Variants in ETNK2 observed in about 807,000 individuals in gnomAD.
ETNK2 encodes the protein ethanolamine kinase 2.
In ETNK2, 33 loss-of-function variants were observed where a neutral mutation model predicts 46.2. The observed-to-expected ratio is 0.71, with a 90% CI of 0.54 to 0.96. ETNK2 has a LOEUF of 0.96. Ranked by LOEUF, ETNK2 falls within the 40% of genes least tolerant of loss-of-function variation. ETNK2 has a pLI of 0.00. For missense variants in ETNK2, 445 were observed against 509.7 expected (o/e 0.87, Z 1.22); for synonymous variants, 194 against 209.0 (o/e 0.93, Z 0.62).
chr1:204,144,967 C>T (rs1330865469), intron 3 of ETNK2, among the ~76,000 whole-genome samples: 4 of 152,232 alleles, frequency 2.6e-5, no homozygotes, highest in Non-Finnish European at 5.9e-5. Flanking sequence ...CTCTTAAGCT[C>T]TTTGAGGGCA....
Position 204,132,128 on chromosome 1 carries a change from G to C in ETNK2, c.*56C>G. The C allele has an allele frequency of 7.3e-7, 1 of 1,370,582 alleles. No individual in the cohort carries two copies. 84.9% of individuals were successfully genotyped at this position (1,370,582 alleles called of 1,614,324 possible). ...TGTGGATCCCAGAGTGCAGAATTGA[G>C]CTCTGGAGAACAGGTCTGGCCAGAC... On this transcript the variant is annotated 3_prime_UTR_variant, in exon 8 of 8. Coordinates refer to ENST00000367202, the MANE Select transcript of ETNK2 (RefSeq NM_018208.4).
intron 7 of ETNK2, among the ~76,000 whole-genome samples, chr1:204,134,231 C>G (rs1657192401): frequency 6.6e-6 from 1 of 152,226 alleles, no homozygotes; most frequent in African/African-American, 2.4e-5. Context: ...TGGATAGGTG[C>G]GCTGGAAGCA....
intron 3 of ETNK2, chr1:204,141,774 C>A: frequency 6.1e-6 from 2 of 325,782 alleles, no homozygotes; most frequent in South Asian, 8.4e-5. Context: ...GAAGGAGACA[C>A]AGGGAAAGGA....
chr1:204,147,268 G>A (rs956052396), intron 2 of ETNK2, among the ~76,000 whole-genome samples: 8 of 152,210 alleles, frequency 5.3e-5, no homozygotes, highest in African/African-American at 1.9e-4. Context: ...AGGTGGGGAG[G>A]GAAACAGGCT....
intron 3 of ETNK2, among the ~76,000 whole-genome samples, chr1:204,143,419 C>T (rs1314616918): frequency 1.3e-5 from 2 of 151,694 alleles, no homozygotes; most frequent in Non-Finnish European, 2.9e-5. Flanking sequence ...CAATCCCAGC[C>T]TTCTATCTCC....
chr1:204,140,282 T>TCATC (rs60488986), intron 4 of ETNK2, among the ~76,000 whole-genome samples, 164 bp from the exon 5 acceptor site: 1,886 of 146,186 alleles, frequency 0.013, 21 homozygotes, highest in Middle Eastern at 0.032. Flanking sequence ...CTACTTCCAT[T>TCATC]CATCCATCCA....
At position 204,147,499 on chromosome 1, in the gene ETNK2, C is replaced by T. The variant is rs568890284; in HGVS notation, c.519-735G>A. Reference sequence around the variant, plus strand: ...GGGCCTTGATAAAGACCCCATCGCCCGAGGCCCTGTGTCCCAGCTGGGCCC... The same window carrying T: ...GGGCCTTGATAAAGACCCCATCGCCTGAGGCCCTGTGTCCCAGCTGGGCCC... On this transcript the variant is annotated intron_variant, in intron 2 of 7. Transcript: ENST00000367202. The T allele has an allele frequency of 1.5e-5, 8 of 533,248 alleles. No homozygotes were observed. In the East Asian group the frequency reaches 1.6e-4, roughly 11 times the overall value. The allele number at this position is 533,248 out of a possible 1,614,324, so 33.0% of individuals were successfully genotyped here. A position where few individuals can be genotyped will look rare whatever the true frequency, so the allele number is the denominator to read the frequency against.
chr1:204,134,846 G>A (rs544911483), intron 6 of ETNK2, among the ~76,000 whole-genome samples: 1 of 152,318 alleles, frequency 6.6e-6, no homozygotes, highest in Admixed American at 6.5e-5. Context: ...CCCTAAGGCA[G>A]GTAGTCAGCA....
chr1:204,145,852 C>T (rs1052734161), intron 3 of ETNK2, among the ~76,000 whole-genome samples: 1 of 152,142 alleles, frequency 6.6e-6, no homozygotes, highest in African/African-American at 2.4e-5. Context: ...GGAGGGAAGG[C>T]AAGACACCAC....
intron 4 of ETNK2, among the ~76,000 whole-genome samples, chr1:204,140,391 A>G (rs375653270): frequency 1.3e-5 from 2 of 152,106 alleles, no homozygotes; most frequent in South Asian, 2.1e-4. Flanking sequence ...TCATCTAAAG[A>G]CAGCTGTCCT....
At chr1:204,142,120 ACC>A (rs1657574819) in intron 3 of ETNK2, 2 of 152,544 alleles carry the variant, frequency 1.3e-5, no homozygotes, top group Non-Finnish European at 2.9e-5. Flanking sequence ...TCACAAACAG[ACC>A]ATCGGCTCAC....
chr1:204,146,997 G>C, intron 2 of ETNK2: 1 of 650,984 alleles, frequency 1.5e-6, no homozygotes, highest in Non-Finnish European at 2.9e-6. Context: ...CCAGTGCCAG[G>C]CTGGGGCTGC....
intron 4 of ETNK2, 99 bp from the exon 5 acceptor site, chr1:204,140,217 A>AT: frequency 1.1e-5 from 10 of 941,760 alleles, no homozygotes; most frequent in Non-Finnish European, 1.7e-5. Context: ...CCACTGAGTG[A>AT]TGCCGGCCTC....
chr1:204,150,153 A>AT (rs1256258578), intron 1 of ETNK2, among the ~76,000 whole-genome samples, 191 bp from the exon 2 acceptor site: 1 of 152,152 alleles, frequency 6.6e-6, no homozygotes, highest in Non-Finnish European at 1.5e-5. Context: ...TCCAGTCTCT[A>AT]TAGAGTTCAA....
intron 3 of ETNK2, among the ~76,000 whole-genome samples, chr1:204,144,074 G>T (rs1464961569): frequency 6.6e-6 from 1 of 152,140 alleles, no homozygotes; most frequent in Non-Finnish European, 1.5e-5. Context: ...GCCGGGCGCA[G>T]TGGCTTACAC....
Position 204,141,388 on chromosome 1 carries a change from G to A in ETNK2, c.711C>T (p.Ser237=). The A allele has an allele frequency of 3.1e-6, 5 of 1,613,810 alleles. No individual in the cohort carries two copies. The highest frequency in any genetic ancestry group is 3.4e-6 in the Non-Finnish European group (4 of 1,179,826). The change falls in exon 4 of 8, where the codon TCC becomes TCT. Residue 237 remains serine (S), a synonymous_variant. Transcript: ENST00000367202. ...AAAACACCACAGGGGACTCCAGCTGGGACAGATGCTCCTTCAGCCAGGCCA... is the reference window on the plus strand; with the variant it reads ...AAAACACCACAGGGGACTCCAGCTGAGACAGATGCTCCTTCAGCCAGGCCA... ...RELAWLKEHL[S]QLESPVVFCH...
At chr1:204,142,826 A>C (rs568249813) in intron 3 of ETNK2, 1 of 152,312 alleles carries the variant, frequency 6.6e-6, no homozygotes, top group African/African-American at 2.4e-5. Context: ...GGTCCCTTCC[A>C]GGCTTTGAGA....
rs1658029232 is a variant in ETNK2 at position 204,152,003 on chromosome 1, G to C, written c.-151C>G. 1.2e-6 allele frequency: 1 copy of C among 813,084 alleles called. No homozygotes were observed. The highest frequency in any genetic ancestry group is 1.7e-6 in the Non-Finnish European group (1 of 603,762). The allele number at this position is 813,084 out of a possible 1,614,324, so 50.4% of individuals were successfully genotyped here. On this transcript the variant is annotated 5_prime_UTR_variant, in exon 1 of 8. Transcript: ENST00000367202. This position sits in a 1 kb window ranked among gnomAD's most constrained non-coding sequence, Gnocchi z 4.2. Reference sequence around the variant, plus strand: ...TTCGATCGCCGGCTCGCGGCCCGCCGCCCACCGCCGACCCCGGAGCGCCGC... The same window carrying C: ...TTCGATCGCCGGCTCGCGGCCCGCCCCCCACCGCCGACCCCGGAGCGCCGC...
At chr1:204,148,874 C>T (rs1485750600) in intron 2 of ETNK2, among the ~76,000 whole-genome samples, 1 of 152,214 alleles carries the variant, frequency 6.6e-6, no homozygotes, top group Non-Finnish European at 1.5e-5. Flanking sequence ...CTAGGCAGAT[C>T]CCCGTGCCAC....
Sources: allele counts gnomAD v4.1 joint callset (sites outside exome capture counted in the v4.1 genomes callset), GRCh38; gene constraint gnomAD v4.1.1; non-coding constraint Gnocchi (gnomAD v3.1); transcripts MANE v1.5; gene names NCBI Gene and HGNC (gene_info 2026-07-23, HGNC 2026-07-21).